Variants in JAZF1 observed in about 807,000 individuals in gnomAD.
JAZF1 encodes JAZF zinc finger 1.
In JAZF1, 8 loss-of-function variants were observed where a neutral mutation model predicts 26.4. That is an observed-to-expected ratio of 0.30 (90% CI 0.18 to 0.55). The LOEUF (loss-of-function observed/expected upper bound fraction) is 0.55. Among genes scored for constraint, JAZF1 ranks in the 20% least tolerant of loss-of-function variants. JAZF1 has a pLI of 0.94. For missense variants in JAZF1, 199 were observed against 322.0 expected, an observed-to-expected ratio of 0.62 and a Z score of 2.92; for synonymous variants, 126 against 122.3, an observed-to-expected ratio of 1.03 and a Z score of -0.20.
At chr7:28,056,193 T>G (rs1783704337) in intron 1 of JAZF1, among the ~76,000 whole-genome samples, 1 of 150,276 alleles carries the variant, frequency 6.7e-6, no homozygotes, top group African/African-American at 2.5e-5. Flanking sequence ...TTAGGGAGTA[T>G]CTCTAAAAAA....
chr7:27,878,750 C>A (rs1010286822), intron 3 of JAZF1, among the ~76,000 whole-genome samples: 2 of 152,140 alleles, frequency 1.3e-5, no homozygotes, highest in African/African-American at 4.8e-5. Context: ...GAATTCTCAT[C>A]TAAGTGGTGG....
chr7:27,860,290 T>G (rs1432135875), intron 3 of JAZF1, among the ~76,000 whole-genome samples: 1 of 152,134 alleles, frequency 6.6e-6, no homozygotes, highest in African/African-American at 2.4e-5. Context: ...TTGGTTCTGT[T>G]ATATGTCATT....
chr7:27,839,456 T>A (rs1203570574), intron 4 of JAZF1, among the ~76,000 whole-genome samples: 4 of 152,170 alleles, frequency 2.6e-5, no homozygotes, highest in African/African-American at 9.7e-5. Context: ...AACAATCCTG[T>A]GGATGTTTTG....
intron 4 of JAZF1, among the ~76,000 whole-genome samples, chr7:27,834,697 C>T (rs951801006): frequency 1.3e-5 from 2 of 152,202 alleles, no homozygotes; most frequent in East Asian, 1.9e-4. Context: ...CCATCCCCTC[C>T]GAGGCCCAGG....
At chr7:28,110,553 A>G (rs13308240) in intron 1 of JAZF1, among the ~76,000 whole-genome samples, 4,570 of 46,772 alleles carry the variant, frequency 0.098, 344 homozygotes, top group Non-Finnish European at 0.12. Flanking sequence ...GAAAAGGAAA[A>G]GGAAAGGGAA....
intron 1 of JAZF1, among the ~76,000 whole-genome samples, chr7:28,088,345 TAG>T (rs1224960514): frequency 6.6e-6 from 1 of 152,236 alleles, no homozygotes; most frequent in Non-Finnish European, 1.5e-5. Flanking sequence ...TACTAGGAGC[TAG>T]CTTTCTTACT....
At chr7:28,148,260 G>A (rs1262141506) in intron 1 of JAZF1, among the ~76,000 whole-genome samples, 1 of 151,982 alleles carries the variant, frequency 6.6e-6, no homozygotes, top group Non-Finnish European at 1.5e-5. Flanking sequence ...TAGTAGAGAC[G>A]GAGTTTCACC....
rs796381786 is a variant in JAZF1 at position 28,158,391 on chromosome 7, G to T, written c.115+22072C>A. Reference sequence around the variant, plus strand: ...TCCTGCCCTTCCTTCTGGAAGCCTAGAAATCAGGAGTGCTAACGAAAGGGG... The same window carrying T: ...TCCTGCCCTTCCTTCTGGAAGCCTATAAATCAGGAGTGCTAACGAAAGGGG... On this transcript the variant is annotated intron_variant, in intron 1 of 4. Transcript: ENST00000283928. Among the ~76,000 whole-genome samples, 46 of 152,262 alleles carry T rather than the reference G, an allele frequency of 3.0e-4. 1 individual carries two copies. Among genetic ancestry groups the T allele is most frequent in the African/African-American group, 1.1e-3 (46 of 41,558 alleles).
intron 1 of JAZF1, among the ~76,000 whole-genome samples, chr7:28,061,783 A>G (rs1207598078): frequency 6.6e-6 from 1 of 152,242 alleles, no homozygotes; most frequent in African/African-American, 2.4e-5. Flanking sequence ...CATGCATACA[A>G]TCTGAAAGAG....
intron 2 of JAZF1, among the ~76,000 whole-genome samples, chr7:27,979,212 G>A (rs1785531040): frequency 6.6e-6 from 1 of 151,794 alleles, no homozygotes; most frequent in African/African-American, 2.4e-5. Context: ...GCCAATTTGT[G>A]CCTAGGCATG....
chr7:28,018,367 A>G (rs562638192), intron 1 of JAZF1, among the ~76,000 whole-genome samples: 3 of 152,326 alleles, frequency 2.0e-5, no homozygotes, highest in South Asian at 4.1e-4. Context: ...TGTGGGTTTC[A>G]TTCTAGTGCA....
intron 3 of JAZF1, among the ~76,000 whole-genome samples, chr7:27,849,037 G>C (rs1005003740): frequency 6.6e-6 from 1 of 152,232 alleles, no homozygotes; most frequent in African/African-American, 2.4e-5. Flanking sequence ...GGGAGGGTAA[G>C]GGATGTGCCA....
intron 3 of JAZF1, among the ~76,000 whole-genome samples, chr7:27,873,237 G>A (rs1404768134): frequency 1.3e-5 from 2 of 152,134 alleles, no homozygotes; most frequent in Non-Finnish European, 2.9e-5. Context: ...TAACTGATAT[G>A]CCAGGATCTA....
At chr7:28,172,926 A>T (rs747828945) in intron 1 of JAZF1, among the ~76,000 whole-genome samples, 4 of 152,240 alleles carry the variant, frequency 2.6e-5, no homozygotes, top group Non-Finnish European at 4.4e-5. Flanking sequence ...TCTCAAAAGC[A>T]CTTTCAAGTC....
At chr7:27,963,562 C>A (rs1486204897) in intron 2 of JAZF1, among the ~76,000 whole-genome samples, 1 of 103,706 alleles carries the variant, frequency 9.6e-6, no homozygotes, top group African/African-American at 5.1e-5. Context: ...TGCAATTCCC[C>A]CCCCCCCTTT....
intron 2 of JAZF1, among the ~76,000 whole-genome samples, chr7:27,935,187 C>G (rs1472638412): frequency 6.6e-6 from 1 of 152,088 alleles, no homozygotes; most frequent in African/African-American, 2.4e-5. Flanking sequence ...TATAATCAAA[C>G]AGACAATAAT....
intron 1 of JAZF1, among the ~76,000 whole-genome samples, chr7:28,070,547 C>T (rs537544738): frequency 4.6e-5 from 7 of 152,356 alleles, no homozygotes; most frequent in Admixed American, 2.0e-4. Context: ...ACAGCAATCC[C>T]GGCACGATCC....
intron 1 of JAZF1, among the ~76,000 whole-genome samples, chr7:28,119,757 T>C (rs1311900395): frequency 1.3e-5 from 2 of 152,234 alleles, no homozygotes; most frequent in Admixed American, 1.3e-4. Flanking sequence ...ATTTACTGAA[T>C]ACCCACTACG....
chr7:28,037,863 T>A lies in JAZF1; in HGVS notation c.116-45882A>T, dbSNP rs550639720. Among the ~76,000 whole-genome samples, 3 of 152,330 alleles carry A rather than the reference T, an allele frequency of 2.0e-5. No individual in the cohort carries two copies. In the South Asian group the frequency reaches 6.2e-4, roughly 32 times the overall value. On this transcript the variant is annotated intron_variant, in intron 1 of 4. Transcript: ENST00000283928. ...TGGTTCATGCCATTTTTGGACAGCA[T>A]GAATTATCACAGATGTCTCCAGGTA... is the stretch of plus-strand genomic sequence containing the variant.
Sources: gnomAD v4.1 joint callset for allele counts (sites outside exome capture counted in the v4.1 genomes callset) on GRCh38, gnomAD v4.1.1 for gene constraint, MANE v1.5 for transcripts, NCBI Gene and HGNC (gene_info 2026-07-23, HGNC 2026-07-21) for gene names.